HNF4A: variants seen among roughly 807,000 people sequenced by gnomAD.
HNF4A encodes hepatocyte nuclear factor 4 alpha.
In HNF4A, 15 loss-of-function variants were observed where a neutral mutation model predicts 52.4. The ratio of observed to expected loss-of-function variants is 0.29; its 90% CI spans 0.19 to 0.44. The LOEUF is 0.44. Ranked by LOEUF, HNF4A falls within the 20% of genes least tolerant of loss-of-function variation. HNF4A has a pLI of 1.00. For missense variants in HNF4A, 479 were observed against 647.2 expected, an observed-to-expected ratio of 0.74 and a Z score of 2.82; for synonymous variants, 280 against 264.4, an observed-to-expected ratio of 1.06 and a Z score of -0.57.
intron 8 of HNF4A, chr20:44,424,771 T>G (rs1049997831): frequency 2.1e-5 from 7 of 329,020 alleles, no homozygotes; most frequent in Non-Finnish European, 3.8e-5. Flanking sequence ...GAGAGGAATA[T>G]TCCAAGAAGA....
intron 7 of HNF4A, among the ~76,000 whole-genome samples, chr20:44,423,616 T>G (rs1457126644): frequency 6.6e-6 from 1 of 152,224 alleles, no homozygotes; most frequent in Non-Finnish European, 1.5e-5. Context: ...GGACCTCAAC[T>G]GTGGCCCAAA....
chr20:44,410,896 C>T (rs2063571847), intron 3 of HNF4A, among the ~76,000 whole-genome samples: 1 of 152,010 alleles, frequency 6.6e-6, no homozygotes, highest in African/African-American at 2.4e-5. Flanking sequence ...AACTTTCTCT[C>T]GACCACAGAG....
Position 44,358,610 on chromosome 20 carries a change from C to CA in HNF4A, c.49+2765dup, listed in dbSNP as rs201579695. ...TGGGCAGCAGAACAAGACTCTATCTCAAAAAAAACAAAACAAAACAAAAAA... is the reference window on the plus strand; with the variant it reads ...TGGGCAGCAGAACAAGACTCTATCTCAAAAAAAAACAAAACAAAACAAAAAA... On this transcript the variant is annotated intron_variant, in intron 1 of 9. Transcript: ENST00000316673. Among the ~76,000 whole-genome samples, 1,359 of 145,680 alleles carry CA rather than the reference C, an allele frequency of 9.3e-3. 14 individuals carry two copies. Among genetic ancestry groups the CA allele is most frequent in the African/African-American group, 0.019 (788 of 40,888 alleles).
At chr20:44,358,508 G>T (rs1207910303) in intron 1 of HNF4A, among the ~76,000 whole-genome samples, 1 of 152,160 alleles carries the variant, frequency 6.6e-6, no homozygotes, top group Non-Finnish European at 1.5e-5. Flanking sequence ...TACTTGGGAG[G>T]CTGAGGCATG....
Position 44,428,484 on chromosome 20 carries a change from G to A in HNF4A, c.1279G>A (p.Ala427Thr). Residue 427 changes from alanine (A) to threonine (T), a missense_variant, in exon 9 of 10, where the codon GCA (alanine) becomes ACA (threonine). Physicochemically the swap from Ala to Thr is moderately conservative, Grantham distance 58. Around this residue, in one of 3 missense-constraint regions of HNF4A, gnomAD observed 389 missense variants for 525.1 expected, o/e 0.74. Coordinates refer to ENST00000316099, the MANE Select transcript of HNF4A (RefSeq NM_000457.6). ...TGAGTGGCCCCGACCCAGGGGACAG[G>A]CAGGTGGGCAAACTCTGGGATTTTA... 1 of 1,613,878 alleles carries A rather than the reference G, an allele frequency of 6.2e-7. No homozygotes were observed. The highest frequency in any genetic ancestry group is 8.5e-7 in the Non-Finnish European group (1 of 1,179,938).
At chr20:44,368,134 G>GTATACATATATATA (rs1426264904) in intron 1 of HNF4A, among the ~76,000 whole-genome samples, 2 of 56,396 alleles carry the variant, frequency 3.5e-5, no homozygotes, top group African/African-American at 1.6e-4. Flanking sequence ...GTGTGTGTGT[G>GTATACATATATATA]TATATACATA....
At chr20:44,392,796 G>C (rs905681194) in intron 1 of HNF4A, among the ~76,000 whole-genome samples, 12 of 152,148 alleles carry the variant, frequency 7.9e-5, no homozygotes, top group Non-Finnish European at 1.6e-4. Flanking sequence ...ACCAGAGCTG[G>C]GGCAGGACAC....
chr20:44,429,452 C>G (rs912294773), intron 9 of HNF4A, 71 bp from the exon 10 acceptor site: 3 of 1,591,730 alleles, frequency 1.9e-6, no homozygotes, highest in East Asian at 4.5e-5. Flanking sequence ...AGAACTTTCC[C>G]GGGCCTCTTC....
At chr20:44,363,024 T>G (rs2062934511) in intron 1 of HNF4A, among the ~76,000 whole-genome samples, 2 of 151,920 alleles carry the variant, frequency 1.3e-5, no homozygotes, top group Admixed American at 1.3e-4. Flanking sequence ...TGGCTAATTT[T>G]TTTTTATTTT....
chr20:44,407,922 C>A (rs1018826299), intron 3 of HNF4A, among the ~76,000 whole-genome samples: 1 of 152,216 alleles, frequency 6.6e-6, no homozygotes, highest in Non-Finnish European at 1.5e-5. Context: ...GTCCCAGGGA[C>A]AAATGCCCCA....
Position 44,424,079 on chromosome 20 carries a change from C to G in HNF4A, c.954C>G (p.Ser318Arg), listed in dbSNP as rs759446088. 6.2e-7 allele frequency: 1 copy of G among 1,613,316 alleles called. No homozygotes were observed. The change falls in exon 8 of 10, where the codon AGC becomes AGG. Residue 318 changes from serine (S) to arginine (R), a missense_variant. By Grantham distance (110) the Ser-to-Arg change is moderately radical (BLOSUM62 -1). This residue lies in a region of HNF4A where 389 missense variants were observed against 525.1 expected (regional missense o/e 0.74). Coordinates refer to ENST00000316099, the MANE Select transcript of HNF4A (RefSeq NM_000457.6). ...GGCTGCGTTCCCAGGTGCAGGTGAG[C>G]TTGGAGGACTACATCAACGACCGCC...
chr20:44,388,381 A>C (rs6017337), intron 1 of HNF4A, among the ~76,000 whole-genome samples: 5,337 of 70,982 alleles, frequency 0.075, 801 homozygotes, highest in African/African-American at 0.24. Context: ...GACCCCCCCC[A>C]CCCCCGTACA....
At chr20:44,371,279 G>A (rs1375719305) in intron 1 of HNF4A, among the ~76,000 whole-genome samples, 5 of 152,110 alleles carry the variant, frequency 3.3e-5, no homozygotes, top group Non-Finnish European at 7.4e-5. Flanking sequence ...TTTTTTTGTT[G>A]TTGCTTTTTG....
chr20:44,415,265 A>T (rs2063647302), intron 5 of HNF4A, among the ~76,000 whole-genome samples: 1 of 152,206 alleles, frequency 6.6e-6, no homozygotes, highest in African/African-American at 2.4e-5. Context: ...CAAGCTGCAC[A>T]GTGGCCAGAC....
chr20:44,371,468 G>T (rs193287180), intron 1 of HNF4A, among the ~76,000 whole-genome samples: 1 of 152,028 alleles, frequency 6.6e-6, no homozygotes, highest in African/African-American at 2.4e-5. Context: ...TAGTAGAGAC[G>T]GGGTTTCGCC....
chr20:44,364,253 G>T (rs112271987), intron 1 of HNF4A, among the ~76,000 whole-genome samples: 24,585 of 151,566 alleles, frequency 0.16, 2,388 homozygotes, highest in Middle Eastern at 0.26. Context: ...TGTTGCCCAG[G>T]CTAGCCTCAA....
chr20:44,388,806 A>C (rs1265090542), intron 1 of HNF4A, among the ~76,000 whole-genome samples: 2 of 152,202 alleles, frequency 1.3e-5, no homozygotes. Context: ...GCCCTGGGGC[A>C]ACCGCGGGAT....
At chr20:44,396,107 G>T (rs555279495) in intron 1 of HNF4A, among the ~76,000 whole-genome samples, 3 of 152,190 alleles carry the variant, frequency 2.0e-5, no homozygotes, top group Admixed American at 2.0e-4. Flanking sequence ...TGCAGGCAAT[G>T]CGTAGAGGGG....
In HNF4A at chr20:44,419,878, T is replaced by TA; in HGVS notation, c.892+3dup. ...AAGCCATCATCTTCTTTGACCCAGG[T>TA]ACAGTGCACACCTCCTAAGCCATCC... On this transcript the variant is annotated splice_region_variant and intron_variant, in intron 7 of 9. Coordinates refer to ENST00000316099, the MANE Select transcript of HNF4A (RefSeq NM_000457.6). 6.2e-7 allele frequency: 1 copy of TA among 1,613,998 alleles called. No individual in the cohort carries two copies. The highest frequency in any genetic ancestry group is 8.5e-7 in the Non-Finnish European group (1 of 1,179,892).
Sources: gnomAD v4.1 joint callset for allele counts (sites outside exome capture counted in the v4.1 genomes callset) on GRCh38, gnomAD v4.1.1 for gene constraint, gnomAD v4.1.1 regional missense constraint, MANE v1.5 for transcripts, NCBI Gene and HGNC (gene_info 2026-07-23, HGNC 2026-07-21) for gene names.